SAXO5: variants seen among roughly 807,000 people sequenced by gnomAD.
SAXO5 encodes the protein stabilizer of axonemal microtubules 5, also known as testis expressed 45.
At chr19:7,504,363 G>T in the SAXO5 span, 1 of 1,614,190 alleles carries the variant, frequency 6.2e-7, no homozygotes, top group Non-Finnish European at 8.5e-7. Flanking sequence ...GGATCAACGT[G>T]TTCGGAGCAG....
the SAXO5 span, chr19:7,506,412 C>G: frequency 1.8e-6 from 1 of 568,562 alleles, no homozygotes; most frequent in Non-Finnish European, 3.2e-6. Flanking sequence ...AACCCCAACT[C>G]TGCTCCTGGA....
chr19:7,505,647 G>T, the SAXO5 span: 12 of 1,609,696 alleles, frequency 7.5e-6, no homozygotes. Context: ...AGAGCGAAAA[G>T]GCGGCAGGGA....
At chr19:7,505,504 C>A in the SAXO5 span, 2 of 1,613,946 alleles carry the variant, frequency 1.2e-6, no homozygotes, top group African/African-American at 1.3e-5. Flanking sequence ...TGCACCTGTT[C>A]CGCTTCTGGC....
At chr19:7,498,393 CTTTTTTT>C in the SAXO5 span, among the ~76,000 whole-genome samples, 3 of 115,364 alleles carry the variant, frequency 2.6e-5, no homozygotes, top group East Asian at 2.4e-4. Context: ...GTATTTTTTT[CTTTTTTT>C]TTTTTTTTTT....
the SAXO5 span, chr19:7,506,116 A>G: frequency 6.2e-7 from 1 of 1,613,030 alleles, no homozygotes; most frequent in South Asian, 1.1e-5. Flanking sequence ...AGGTGCAGAA[A>G]GCGCCCAACC....
the SAXO5 span, chr19:7,501,427 G>A: frequency 4.1e-6 from 6 of 1,456,212 alleles, no homozygotes; most frequent in African/African-American, 5.9e-5. Flanking sequence ...CTGAGTGGGC[G>A]ATTTGCTTCA....
At chr19:7,501,881 G>A in the SAXO5 span, among the ~76,000 whole-genome samples, 1 of 144,498 alleles carries the variant, frequency 6.9e-6, no homozygotes, top group African/African-American at 2.6e-5. Context: ...GAGAGAGGAA[G>A]GAAGGAAGAA....
At chr19:7,500,681 G>A in the SAXO5 span, 1 of 734,964 alleles carries the variant, frequency 1.4e-6, no homozygotes, top group Non-Finnish European at 2.0e-6. Context: ...GATGTCCCCA[G>A]CCTCCAGCTC....
chr19:7,504,450 G>A, the SAXO5 span: 2 of 1,538,130 alleles, frequency 1.3e-6, no homozygotes, highest in Non-Finnish European at 1.8e-6. Context: ...GCTCATGCCT[G>A]TAATCCCAGC....
the SAXO5 span, chr19:7,506,525 C>T: frequency 2.6e-6 from 1 of 379,926 alleles, no homozygotes; most frequent in Non-Finnish European, 5.0e-6. Context: ...CTTAACTCCT[C>T]TTCCATTGTC....
chr19:7,498,261 AGTGCGGTAGCG>A, the SAXO5 span, among the ~76,000 whole-genome samples: 1 of 150,072 alleles, frequency 6.7e-6, no homozygotes, highest in Non-Finnish European at 1.5e-5. Flanking sequence ...CCCAGGCTGG[AGTGCGGTAGCG>A]TGGTCTCGGA....
the SAXO5 span, chr19:7,505,347 C>T: frequency 8.1e-6 from 13 of 1,614,096 alleles, no homozygotes; most frequent in African/African-American, 2.7e-5. Flanking sequence ...CAGGCCACAG[C>T]CCACATCCAC....
At chr19:7,500,241 G>C in the SAXO5 span, among the ~76,000 whole-genome samples, 1 of 152,032 alleles carries the variant, frequency 6.6e-6, no homozygotes, top group Non-Finnish European at 1.5e-5. Context: ...CTAGAGTAGG[G>C]ACAGAAATCA....
chr19:7,505,908 C>G, the SAXO5 span: 4 of 1,509,108 alleles, frequency 2.7e-6, no homozygotes, highest in Non-Finnish European at 3.6e-6. Context: ...TCCCTCCCCC[C>G]CGGGCCCGGG....
the SAXO5 span, chr19:7,505,288 T>C: frequency 6.2e-7 from 1 of 1,604,268 alleles, no homozygotes; most frequent in East Asian, 2.2e-5. Flanking sequence ...CAGCCCACTT[T>C]ACCTTATTCT....
the SAXO5 span, chr19:7,505,875 A>G: frequency 7.6e-7 from 1 of 1,318,890 alleles, no homozygotes; most frequent in South Asian, 1.4e-5. Flanking sequence ...GGAGCTGTCC[A>G]AGGTCACACA....
chr19:7,503,984 C>T, the SAXO5 span: 4 of 590,664 alleles, frequency 6.8e-6, no homozygotes, highest in African/African-American at 5.6e-5. Flanking sequence ...GTTTGCCAGA[C>T]AGCTCTCAGT....
At chr19:7,499,932 T>TTGTGTATG in the SAXO5 span, 2 of 108,930 alleles carry the variant, frequency 1.8e-5, no homozygotes, top group African/African-American at 3.2e-5. Context: ...CTTGTCTAAT[T>TTGTGTATG]TGTGTGTGTG....
At chr19:7,507,564 A>G in the SAXO5 span, among the ~76,000 whole-genome samples, 5 of 150,832 alleles carry the variant, frequency 3.3e-5, no homozygotes, top group Non-Finnish European at 7.4e-5. Flanking sequence ...TGGGCAACAG[A>G]GCAAGACTCT....
Sources: gnomAD v4.1 joint callset for allele counts (sites outside exome capture counted in the v4.1 genomes callset) on GRCh38, gnomAD v4.1.1 for gene constraint, MANE v1.5 for transcripts, NCBI Gene and HGNC (gene_info 2026-07-23, HGNC 2026-07-21) for gene names.